Variants in THSD7A observed in about 807,000 individuals in gnomAD.
The protein encoded by THSD7A is thrombospondin type 1 domain containing 7A.
Under a neutral mutation model 231.3 loss-of-function variants are expected in THSD7A, and 96 were observed. The observed-to-expected ratio is 0.41, with a 90% CI of 0.35 to 0.49. The LOEUF (loss-of-function observed/expected upper bound fraction) is 0.49, where lower values mean the gene tolerates loss of function less well. THSD7A is among the 20% of genes least tolerant of loss of function. The probability of loss-of-function intolerance (pLI) is 0.05; values close to 1 mark genes in which losing one functional copy is unlikely to be tolerated. For synonymous variants in THSD7A, 940 were observed against 743.3 expected (o/e 1.26, Z -4.30); for missense variants, 2,290 against 2,070.2 (o/e 1.11, Z -2.06).
At chr7:11,699,069 C>CT (rs1245058688) in intron 1 of THSD7A, among the ~76,000 whole-genome samples, 3 of 149,462 alleles carry the variant, frequency 2.0e-5, no homozygotes, top group Admixed American at 1.3e-4. Context: ...AAATACAGCA[C>CT]TTTTTTTGTA....
intron 9 of THSD7A, among the ~76,000 whole-genome samples, chr7:11,462,708 G>T (rs1375881628): frequency 6.6e-6 from 1 of 152,144 alleles, no homozygotes; most frequent in African/African-American, 2.4e-5. Context: ...AAACATTAGG[G>T]ATCTAAGTAG....
At chr7:11,754,686 A>C (rs1011602935) in intron 1 of THSD7A, among the ~76,000 whole-genome samples, 23 of 152,192 alleles carry the variant, frequency 1.5e-4, no homozygotes, top group Non-Finnish European at 2.6e-4. Flanking sequence ...TCTTTTAAAA[A>C]ACTTTCTATT....
At chr7:11,732,399 G>A (rs1163658029) in intron 1 of THSD7A, among the ~76,000 whole-genome samples, 1 of 151,832 alleles carries the variant, frequency 6.6e-6, no homozygotes, top group Non-Finnish European at 1.5e-5. Context: ...GACGCATAGT[G>A]CAAAGTGAGT....
chr7:11,476,201 T>TAACTTTAA (rs1406721971), intron 7 of THSD7A, among the ~76,000 whole-genome samples: 1 of 152,022 alleles, frequency 6.6e-6, no homozygotes, highest in Non-Finnish European at 1.5e-5. Flanking sequence ...TTTCCTAACA[T>TAACTTTAA]AACTTTAAAA....
chr7:11,820,257 C>A, intron 1 of THSD7A: 4 of 410,126 alleles, frequency 9.8e-6, no homozygotes, highest in Non-Finnish European at 8.6e-6. Flanking sequence ...TTTAGCTCCT[C>A]GCCAGCCATC....
intron 13 of THSD7A, among the ~76,000 whole-genome samples, chr7:11,442,308 C>G (rs982620410): frequency 2.6e-5 from 4 of 151,842 alleles, no homozygotes; most frequent in African/African-American, 9.7e-5. Flanking sequence ...AAAAAGTGAC[C>G]TAGTGGGAAA....
chr7:11,677,583 GC>G (rs1783690582), intron 1 of THSD7A, among the ~76,000 whole-genome samples: 1 of 7,028 alleles, frequency 1.4e-4, no homozygotes, highest in East Asian at 6.5e-3. Flanking sequence ...CAAATGGAAA[GC>G]AAAAAAAAAA....
intron 1 of THSD7A, among the ~76,000 whole-genome samples, chr7:11,693,820 A>G (rs1780307753): frequency 6.6e-6 from 1 of 151,538 alleles, no homozygotes; most frequent in South Asian, 2.1e-4. Flanking sequence ...GATCTAGAGC[A>G]TGATTATCAT....
At position 11,374,622 on chromosome 7, in the gene THSD7A, T is replaced by G. The variant is rs1782192863; in HGVS notation, c.*1172A>C. 6.7e-6 allele frequency: 1 copy of G among 150,262 alleles called. No individual in the cohort carries two copies. Among genetic ancestry groups the G allele is most frequent in the Admixed American group, 6.6e-5 (1 of 15,162 alleles). 9.3% of individuals were successfully genotyped at this position (150,262 alleles called of 1,614,324 possible). A position where few individuals can be genotyped will look rare whatever the true frequency, so the allele number is the denominator to read the frequency against. On this transcript the variant is annotated 3_prime_UTR_variant, in exon 28 of 28. Coordinates refer to ENST00000423059, the MANE Select transcript of THSD7A (RefSeq NM_015204.3). Reference sequence around the variant, plus strand: ...AAATTAAAAAGACATCCAGTTCCTTTTTCTTTTTTTTTCTTAACAAAGATA... The same window carrying G: ...AAATTAAAAAGACATCCAGTTCCTTGTTCTTTTTTTTTCTTAACAAAGATA...
At chr7:11,716,205 T>C (rs1781131777) in intron 1 of THSD7A, among the ~76,000 whole-genome samples, 1 of 151,526 alleles carries the variant, frequency 6.6e-6, no homozygotes, top group South Asian at 2.1e-4. Flanking sequence ...CACACAAGGA[T>C]TTGCACATGG....
At chr7:11,512,480 G>A (rs1287929847) in intron 6 of THSD7A, among the ~76,000 whole-genome samples, 1 of 152,006 alleles carries the variant, frequency 6.6e-6, no homozygotes, top group Non-Finnish European at 1.5e-5. Flanking sequence ...AAAGACACAT[G>A]CACACATATT....
chr7:11,389,158 A>T (rs1782878712), intron 23 of THSD7A, among the ~76,000 whole-genome samples: 2 of 152,180 alleles, frequency 1.3e-5, no homozygotes, highest in African/African-American at 4.8e-5. Flanking sequence ...AGTCCTGAAT[A>T]TCCTTGTTAA....
At chr7:11,445,330 G>C (rs1784932078) in intron 13 of THSD7A, among the ~76,000 whole-genome samples, 2 of 152,054 alleles carry the variant, frequency 1.3e-5, no homozygotes, top group African/African-American at 4.8e-5. Context: ...AAGAAGACCA[G>C]AGAAAATTGC....
At chr7:11,683,745 CA>C (rs1346779045) in intron 1 of THSD7A, among the ~76,000 whole-genome samples, 1 of 151,772 alleles carries the variant, frequency 6.6e-6, no homozygotes, top group East Asian at 1.9e-4. Flanking sequence ...ACTACCAACC[CA>C]AAAAAGCCCT....
intron 1 of THSD7A, among the ~76,000 whole-genome samples, chr7:11,679,233 G>A (rs1783769766): frequency 6.6e-6 from 1 of 152,106 alleles, no homozygotes; most frequent in Admixed American, 6.5e-5. Flanking sequence ...CAAACCCACA[G>A]CCAGTATCAT....
intron 6 of THSD7A, 134 bp from the exon 7 acceptor site, chr7:11,482,116 G>T: frequency 1.1e-6 from 1 of 920,750 alleles, no homozygotes; most frequent in East Asian, 2.7e-5. Context: ...GCCAAAAGAG[G>T]GATTGCCTAC....
chr7:11,525,337 A>G (rs1005661318), intron 6 of THSD7A, among the ~76,000 whole-genome samples: 4 of 152,184 alleles, frequency 2.6e-5, no homozygotes, highest in Non-Finnish European at 5.9e-5. Context: ...TATAAATACC[A>G]TAATGTTCTT....
At chr7:11,696,866 T>C (rs1293357101) in intron 1 of THSD7A, among the ~76,000 whole-genome samples, 4 of 151,388 alleles carry the variant, frequency 2.6e-5, no homozygotes, top group African/African-American at 2.4e-5. Flanking sequence ...AAAGAACATA[T>C]CTATAATGAA....
chr7:11,395,415 A>G (rs1307154555), intron 23 of THSD7A, among the ~76,000 whole-genome samples: 1 of 152,294 alleles, frequency 6.6e-6, no homozygotes, highest in South Asian at 2.1e-4. Flanking sequence ...CAAATCAATG[A>G]GACAGATAAT....
Sources: gnomAD v4.1 joint callset for allele counts (sites outside exome capture counted in the v4.1 genomes callset) on GRCh38, gnomAD v4.1.1 for gene constraint, MANE v1.5 for transcripts, NCBI Gene and HGNC (gene_info 2026-07-23, HGNC 2026-07-21) for gene names.